The following SORCS3 variants were observed in gnomAD, a reference collection of about 807,000 sequenced individuals.
The protein encoded by SORCS3 is VPS10 domain-containing receptor SorCS3.
A neutral mutation model predicts 146.3 loss-of-function variants in SORCS3; 57 were observed. That is an observed-to-expected ratio of 0.39 (90% CI 0.31 to 0.49). SORCS3 has a LOEUF of 0.49. Ranked by LOEUF, SORCS3 falls within the 20% of genes least tolerant of loss-of-function variation. The pLI, the probability that SORCS3 is intolerant of heterozygous loss-of-function variation, is 0.92. For missense variants in SORCS3, 1,341 were observed against 1,575.5 expected, an observed-to-expected ratio of 0.85 and a Z score of 2.52; for synonymous variants, 653 against 618.5, an observed-to-expected ratio of 1.06 and a Z score of -0.83.
At chr10:105,234,639 G>A (rs1024568324) in intron 20 of SORCS3, among the ~76,000 whole-genome samples, 4 of 150,540 alleles carry the variant, frequency 2.7e-5, no homozygotes, top group African/African-American at 7.3e-5. Context: ...TTCCTCAGCT[G>A]TGTTCAGTCT....
rs189319772 is a variant in SORCS3 at position 104,977,178 on chromosome 10, C to G, written c.796-157C>G. Among the ~76,000 whole-genome samples, 163 of 152,176 alleles carry G rather than the reference C, an allele frequency of 1.1e-3. 1 individual carries two copies. Among genetic ancestry groups the G allele is most frequent in the African/African-American group, 3.8e-3 (159 of 41,522 alleles). ...TCAATTCGACAATGAGAGACTAAAT[C>G]AGGAGAAAAGTTAATACAAGTATTT... On this transcript the variant is annotated intron_variant, in intron 3 of 26. Coordinates refer to ENST00000369701, the MANE Select transcript of SORCS3 (RefSeq NM_014978.3).
At chr10:104,719,758 T>C (rs1384433912) in intron 1 of SORCS3, among the ~76,000 whole-genome samples, 5 of 152,206 alleles carry the variant, frequency 3.3e-5, no homozygotes, top group East Asian at 1.9e-4. Context: ...CTCTCTCTCT[T>C]CATGTGACGG....
intron 8 of SORCS3, among the ~76,000 whole-genome samples, chr10:105,140,432 C>T (rs553932374): frequency 6.6e-6 from 1 of 152,190 alleles, no homozygotes; most frequent in African/African-American, 2.4e-5. Context: ...GTGAATAAGG[C>T]ACAAATGGTC....
chr10:105,158,907 C>T lies in SORCS3; in HGVS notation c.1645C>T (p.His549Tyr). 3 of 1,612,436 alleles carry T rather than the reference C, an allele frequency of 1.9e-6. No individual in the cohort carries two copies. Among genetic ancestry groups the T allele is most frequent in the East Asian group, 2.2e-5 (1 of 44,828 alleles). ...VHCLLPFCSLHLHLQLSENPY... is the reference protein window; with the variant it reads ...VHCLLPFCSLYLHLQLSENPY... ...TCCATTTTAGCCCTTCTGTTCCTTA[C>T]ATCTGCACCTGCAACTCTCTGAAAA... The change falls in exon 11 of 27, where the codon CAT becomes TAT. Residue 549 changes from histidine to tyrosine, a missense_variant. By Grantham distance (83) the His-to-Tyr change is moderately conservative. Transcript: ENST00000369701.
At chr10:105,131,737 G>A (rs1359517684) in intron 7 of SORCS3, among the ~76,000 whole-genome samples, 1 of 152,088 alleles carries the variant, frequency 6.6e-6, no homozygotes, top group Non-Finnish European at 1.5e-5. Flanking sequence ...TACGGCGGAA[G>A]GTAAAGGAGG....
At chr10:104,971,289 G>A (rs2054859169) in intron 3 of SORCS3, among the ~76,000 whole-genome samples, 1 of 152,216 alleles carries the variant, frequency 6.6e-6, no homozygotes, top group Admixed American at 6.5e-5. Context: ...GGCTAGAGTT[G>A]TCTTACAGTA....
At chr10:105,242,586 A>G (rs1256871808) in intron 20 of SORCS3, among the ~76,000 whole-genome samples, 1 of 98,364 alleles carries the variant, frequency 1.0e-5, no homozygotes, top group Non-Finnish European at 1.8e-5. Flanking sequence ...ATTTATATAT[A>G]TTTATATATG....
intron 2 of SORCS3, among the ~76,000 whole-genome samples, chr10:104,884,756 T>G (rs903871955): frequency 5.3e-5 from 8 of 152,086 alleles, no homozygotes; most frequent in Admixed American, 4.6e-4. Context: ...TAAAATAGTT[T>G]TGAATTCTCA....
chr10:105,191,205 A>G (rs1269984549), intron 14 of SORCS3, among the ~76,000 whole-genome samples: 1 of 152,242 alleles, frequency 6.6e-6, no homozygotes, highest in Non-Finnish European at 1.5e-5. Context: ...TACATATGCT[A>G]TGATTTTTGA....
At chr10:105,132,207 T>C (rs2056024336) in intron 7 of SORCS3, among the ~76,000 whole-genome samples, 1 of 152,152 alleles carries the variant, frequency 6.6e-6, no homozygotes, top group African/African-American at 2.4e-5. Flanking sequence ...GTACATAAAA[T>C]AGAAGGCTAA....
chr10:104,915,796 A>G (rs2019020793), intron 2 of SORCS3, 37 bp from the exon 3 acceptor site: 1 of 1,583,680 alleles, frequency 6.3e-7, no homozygotes. Flanking sequence ...CATTGGTAAA[A>G]TGATCTCTCC....
chr10:105,062,677 T>C (rs1218918578), intron 5 of SORCS3, among the ~76,000 whole-genome samples: 2 of 152,194 alleles, frequency 1.3e-5, no homozygotes, highest in Non-Finnish European at 2.9e-5. Flanking sequence ...TTTACCTGTC[T>C]TTCCCAGCAA....
chr10:104,803,348 T>C (rs1026600422), intron 1 of SORCS3, among the ~76,000 whole-genome samples: 4 of 152,142 alleles, frequency 2.6e-5, no homozygotes, highest in African/African-American at 9.7e-5. Context: ...CAAGACTCTG[T>C]TAAGTCAGTG....
chr10:104,719,742 GT>G (rs748138491), intron 1 of SORCS3, among the ~76,000 whole-genome samples: 1 of 152,284 alleles, frequency 6.6e-6, no homozygotes, highest in South Asian at 2.1e-4. Context: ...AAATCAGCTG[GT>G]TTGTCTCTCT....
intron 14 of SORCS3, among the ~76,000 whole-genome samples, chr10:105,197,072 C>A (rs559535320): frequency 1.3e-5 from 2 of 152,086 alleles, no homozygotes; most frequent in African/African-American, 4.8e-5. Context: ...ATCTTTGTGT[C>A]TTTTATAATG....
intron 4 of SORCS3, among the ~76,000 whole-genome samples, chr10:105,005,916 A>G (rs1256481353): frequency 6.6e-6 from 1 of 152,074 alleles, no homozygotes; most frequent in Non-Finnish European, 1.5e-5. Flanking sequence ...ATTTCCTTTC[A>G]CTAAATTTCC....
At chr10:105,103,814 T>C (rs2055803069) in intron 6 of SORCS3, among the ~76,000 whole-genome samples, 1 of 152,210 alleles carries the variant, frequency 6.6e-6, no homozygotes, top group Non-Finnish European at 1.5e-5. Context: ...AATGAATACA[T>C]TTCCCATTAA....
chr10:104,770,913 A>G (rs1463647335), intron 1 of SORCS3, among the ~76,000 whole-genome samples: 2 of 152,210 alleles, frequency 1.3e-5, no homozygotes, highest in Non-Finnish European at 2.9e-5. Context: ...CCAAAATACT[A>G]TTTTAATGTA....
At chr10:104,854,214 A>G (rs563177398) in intron 2 of SORCS3, among the ~76,000 whole-genome samples, 10 of 152,326 alleles carry the variant, frequency 6.6e-5, no homozygotes, top group African/African-American at 2.4e-4. Context: ...GATTGGTCAC[A>G]TAATATCTCT....
Sources: allele counts gnomAD v4.1 joint callset (sites outside exome capture counted in the v4.1 genomes callset), GRCh38; gene constraint gnomAD v4.1.1; transcripts MANE v1.5; gene names NCBI Gene and HGNC (gene_info 2026-07-23, HGNC 2026-07-21).